GDAP1: variants seen among roughly 807,000 people sequenced by gnomAD.
GDAP1 encodes ganglioside-induced differentiation-associated protein 1.
Under a neutral mutation model 40.1 loss-of-function variants are expected in GDAP1, and 34 were observed. The observed-to-expected ratio is 0.85, with a 90% confidence interval of 0.64 to 1.13. GDAP1 has a LOEUF of 1.13. Ranked by LOEUF, GDAP1 falls within the 50% of genes most tolerant of loss-of-function variation. GDAP1 has a pLI of 0.00. For missense variants in GDAP1, 374 were observed against 433.7 expected, an observed-to-expected ratio of 0.86 and a Z score of 1.22; for synonymous variants, 170 against 157.4, an observed-to-expected ratio of 1.08 and a Z score of -0.60.
At position 74,365,884 on chromosome 8, in the gene GDAP1, CAT is replaced by C. The variant is rs1443028753; in HGVS notation, c.*1520_*1521del. ...TAAAATTTGCACATGAGTGTGTTGTCATATGGAGTGTCTGAATCTGTTGCTGG... is the reference window on the plus strand; with the variant it reads ...TAAAATTTGCACATGAGTGTGTTGTCATGGAGTGTCTGAATCTGTTGCTGG... On this transcript the variant is annotated 3_prime_UTR_variant, in exon 6 of 6. Coordinates refer to ENST00000220822, the MANE Select transcript of GDAP1 (RefSeq NM_018972.4). 1 of 454,202 alleles carries C rather than the reference CAT, an allele frequency of 2.2e-6. No individual in the cohort carries two copies. Among genetic ancestry groups the C allele is most frequent in the African/African-American group, 2.0e-5 (1 of 49,980 alleles). The allele number at this position is 454,202 out of a possible 1,614,324, so 28.1% of individuals were successfully genotyped here.
intron 2 of GDAP1, among the ~76,000 whole-genome samples, chr8:74,471,063 C>G (rs552527549): frequency 1.7e-4 from 26 of 152,256 alleles, no homozygotes; most frequent in Admixed American, 1.4e-3. Context: ...TGAGAGGTGT[C>G]TGTTCATATC....
At chr8:74,470,523 G>A (rs1049111935) in intron 2 of GDAP1, among the ~76,000 whole-genome samples, 206 of 152,052 alleles carry the variant, frequency 1.4e-3, no homozygotes, top group South Asian at 5.4e-3. Flanking sequence ...TTGTCCTTGC[G>A]ATAGTTTGCT....
chr8:74,417,372 C>T (rs1805796405), intron 2 of GDAP1, among the ~76,000 whole-genome samples: 1 of 150,018 alleles, frequency 6.7e-6, no homozygotes, highest in Non-Finnish European at 1.5e-5. Flanking sequence ...TTATACTATA[C>T]TTCCCAACTA....
At chr8:74,469,394 C>T (rs935529789) in intron 2 of GDAP1, among the ~76,000 whole-genome samples, 6 of 152,048 alleles carry the variant, frequency 3.9e-5, no homozygotes, top group African/African-American at 1.2e-4. Flanking sequence ...CTGAGGCGGG[C>T]GCAGTGGCTC....
At chr8:74,410,295 T>G (rs1805693505) in intron 2 of GDAP1, among the ~76,000 whole-genome samples, 1 of 149,910 alleles carries the variant, frequency 6.7e-6, no homozygotes, top group Non-Finnish European at 1.5e-5. Flanking sequence ...TTGATTGAAT[T>G]TATCTGCATT....
At position 74,478,998 on chromosome 8, in the gene GDAP1, T is replaced by C. The variant is rs138729190; in HGVS notation, c.166-9680T>C. ...CTTCCCTCCATTCACCCTCAATGCTTTCCCTGTGAAGATCTGCTGGGAGTG... is the reference window on the plus strand; with the variant it reads ...CTTCCCTCCATTCACCCTCAATGCTCTCCCTGTGAAGATCTGCTGGGAGTG... On this transcript the variant is annotated intron_variant, in intron 2 of 2. Transcript: ENST00000523640. Among the ~76,000 whole-genome samples the C allele has an allele frequency of 2.7e-3, 408 of 152,292 alleles. 3 individuals are homozygous for C. The highest frequency in any genetic ancestry group is 8.1e-3 in the African/African-American group (335 of 41,568).
chr8:74,423,532 G>A lies in GDAP1; in HGVS notation c.166-65146G>A, dbSNP rs922640510. The stretch of plus-strand genomic sequence containing the variant: ...GATGATGTTGTCATTAGTGATGACA[G>A]ATCTAATTCTCAATTTTTCCAATCC... On this transcript the variant is annotated intron_variant, in intron 2 of 2. Transcript: ENST00000523640. 2.0e-5 allele frequency among the ~76,000 whole-genome samples: 3 copies of A among 151,458 alleles called. No individual in the cohort carries two copies. In the East Asian group the frequency reaches 5.8e-4, roughly 29 times the overall value.
intron 2 of GDAP1, among the ~76,000 whole-genome samples, chr8:74,405,443 C>T: frequency 6.7e-6 from 1 of 149,888 alleles, no homozygotes; most frequent in African/African-American, 2.5e-5. Context: ...ATTCATTTTC[C>T]AAACATTTTT....
chr8:74,357,735 A>G (rs1191100656), intron 2 of GDAP1, among the ~76,000 whole-genome samples: 3 of 151,930 alleles, frequency 2.0e-5, no homozygotes, highest in Non-Finnish European at 4.4e-5. Context: ...ACCTCCTCTC[A>G]TTGCCTGCTT....
At chr8:74,466,998 C>T (rs997049884) in intron 2 of GDAP1, among the ~76,000 whole-genome samples, 1 of 152,122 alleles carries the variant, frequency 6.6e-6, no homozygotes, top group African/African-American at 2.4e-5. Context: ...TAGTTAAGGG[C>T]TGGCATTAGG....
At chr8:74,428,747 G>C (rs1357249097) in intron 2 of GDAP1, among the ~76,000 whole-genome samples, 1 of 142,388 alleles carries the variant, frequency 7.0e-6, no homozygotes, top group South Asian at 2.2e-4. Flanking sequence ...CTCCCAAAGT[G>C]CTGAGATTAC....
intron 2 of GDAP1, among the ~76,000 whole-genome samples, chr8:74,417,670 T>C (rs1805800365): frequency 1.4e-5 from 2 of 146,286 alleles, no homozygotes. Flanking sequence ...GGCAGGAGAA[T>C]TGCTTCAACC....
chr8:74,481,871 A>G (rs1289623797), intron 2 of GDAP1, among the ~76,000 whole-genome samples: 1 of 152,202 alleles, frequency 6.6e-6, no homozygotes, highest in Non-Finnish European at 1.5e-5. Context: ...GATGATGGAA[A>G]TGGATTACAT....
rs1417036443 is a variant in GDAP1 at position 74,366,521 on chromosome 8, A to G, written c.*2154A>G. On this transcript the variant is annotated 3_prime_UTR_variant, in exon 6 of 6. Transcript: ENST00000220822. ...TAGAGTTAAACACAGTATTAGCTAA[A>G]TAGGCACTTATGTGTATTTTCTTTT... 2.2e-6 allele frequency: 1 copy of G among 454,286 alleles called. No homozygotes were observed. Among genetic ancestry groups the G allele is most frequent in the South Asian group, 1.6e-5 (1 of 64,458 alleles). The allele number at this position is 454,286 out of a possible 1,614,324, so 28.1% of individuals were successfully genotyped here.
intron 2 of GDAP1, among the ~76,000 whole-genome samples, chr8:74,422,259 TTC>T (rs1339999602): frequency 2.1e-5 from 3 of 144,968 alleles, no homozygotes; most frequent in Non-Finnish European, 4.6e-5. Flanking sequence ...CTTTCTTTCT[TTC>T]TTTTTCTTTT....
At chr8:74,438,920 G>A (rs956616599) in intron 2 of GDAP1, among the ~76,000 whole-genome samples, 10 of 152,050 alleles carry the variant, frequency 6.6e-5, no homozygotes, top group African/African-American at 2.4e-4. Flanking sequence ...TTTTTTATTC[G>A]TATTGGTTTA....
chr8:74,480,852 GTTCTCCTATAT>G (rs1471831786), intron 2 of GDAP1, among the ~76,000 whole-genome samples: 2 of 152,150 alleles, frequency 1.3e-5, no homozygotes, highest in African/African-American at 4.8e-5. Flanking sequence ...GAACAGACCT[GTTCTCCTATAT>G]TTGTTTTAAG....
At chr8:74,392,222 C>T (rs992971527) in intron 2 of GDAP1, among the ~76,000 whole-genome samples, 4 of 152,136 alleles carry the variant, frequency 2.6e-5, no homozygotes, top group African/African-American at 9.7e-5. Flanking sequence ...ACTGTGTAAC[C>T]TTACTCTAAC....
intron 2 of GDAP1, among the ~76,000 whole-genome samples, chr8:74,462,381 C>G (rs894527468): frequency 6.6e-6 from 1 of 152,154 alleles, no homozygotes; most frequent in Non-Finnish European, 1.5e-5. Flanking sequence ...GTGAGCATTT[C>G]CTTCAATACA....
Sources: allele counts gnomAD v4.1 joint callset (sites outside exome capture counted in the v4.1 genomes callset), GRCh38; gene constraint gnomAD v4.1.1; transcripts MANE v1.5; gene names NCBI Gene and HGNC (gene_info 2026-07-23, HGNC 2026-07-21).